Variants in RBPJ observed in about 807,000 individuals in gnomAD.
The protein encoded by RBPJ is recombination signal binding protein for immunoglobulin kappa J region, also known as recombining binding protein suppressor of hairless.
A neutral mutation model predicts 67.8 loss-of-function variants in RBPJ; 9 were observed. The ratio of observed to expected loss-of-function variants is 0.13; its 90% CI spans 0.08 to 0.23. The LOEUF (loss-of-function observed/expected upper bound fraction) is 0.23, where lower values mean the gene tolerates loss of function less well. RBPJ is among the 10% of genes least tolerant of loss of function. The pLI is 1.00. For missense variants in RBPJ, 305 were observed against 595.6 expected (o/e 0.51, Z 5.08); for synonymous variants, 198 against 203.3 (o/e 0.97, Z 0.22).
rs1397347378 is a variant in RBPJ, at chr4:26,430,579, G to A, written c.1148+57G>A. 1.6e-5 allele frequency: 24 copies of A among 1,517,664 alleles called. No individual in the cohort carries two copies. The highest frequency in any genetic ancestry group is 5.4e-6 in the Non-Finnish European group (6 of 1,110,146). The allele number at this position is 1,517,664 out of a possible 1,614,324, so 94.0% of individuals were successfully genotyped here. A position where few individuals can be genotyped will look rare whatever the true frequency, so the allele number is the denominator to read the frequency against. ...GGTTGTGAGGGGTGTGGGTACAGGAGATTCTTTCCTGGCACTGATTGTAAT... is the reference window on the plus strand; with the variant it reads ...GGTTGTGAGGGGTGTGGGTACAGGAAATTCTTTCCTGGCACTGATTGTAAT... On this transcript the variant is annotated intron_variant, in intron 10 of 10. Coordinates refer to ENST00000355476, the MANE Select transcript of RBPJ (RefSeq NM_015874.6). This position sits in a 1 kb window ranked among gnomAD's most constrained non-coding sequence, Gnocchi z 4.1.
At position 26,214,761 on chromosome 4, in the gene RBPJ, A is replaced by G. The variant is rs1364920258; in HGVS notation, c.-167+51147A>G. Among the ~76,000 whole-genome samples, 403 of 53,344 alleles carry G rather than the reference A, an allele frequency of 7.6e-3. 2 individuals are homozygous for G. The highest frequency in any genetic ancestry group is 0.041 in the African/African-American group (383 of 9,338). The allele number at this position is 53,344 out of a possible 152,430, so 35.0% of individuals were successfully genotyped here. ...AAGAGAGAGAGAAAGAGAAAAAGAG[A>G]GAAAAAAGAGAAAGAAAGAAAGAAA... On this transcript the variant is annotated intron_variant, in intron 1 of 4. Transcript: ENST00000512351.
At chr4:26,389,150 G>C (rs2109650806) in intron 2 of RBPJ, among the ~76,000 whole-genome samples, 1 of 151,872 alleles carries the variant, frequency 6.6e-6, no homozygotes, top group East Asian at 1.9e-4. Context: ...GATCACTTGA[G>C]CCCAGGAGAC....
chr4:26,197,981 A>T (rs1717836045), intron 1 of RBPJ, among the ~76,000 whole-genome samples: 1 of 152,172 alleles, frequency 6.6e-6, no homozygotes, highest in Admixed American at 6.5e-5. Flanking sequence ...GGCCGGGCGC[A>T]GTGGCTCACT....
intron 4 of RBPJ, among the ~76,000 whole-genome samples, chr4:26,416,082 C>T (rs753839532): frequency 1.2e-4 from 18 of 152,114 alleles, no homozygotes; most frequent in Non-Finnish European, 1.6e-4. Context: ...CGATCATAAA[C>T]GTTTACTTGA....
At chr4:26,383,253 A>G (rs1361975842) in intron 1 of RBPJ, among the ~76,000 whole-genome samples, 2 of 152,196 alleles carry the variant, frequency 1.3e-5, no homozygotes, top group Admixed American at 6.5e-5. Context: ...TAGATATTTT[A>G]ATTAATATTT....
At chr4:26,299,862 C>A (rs1211701695) in intron 1 of RBPJ, among the ~76,000 whole-genome samples, 1 of 150,180 alleles carries the variant, frequency 6.7e-6, no homozygotes, top group Non-Finnish European at 1.5e-5. Flanking sequence ...TTTTTGTTTT[C>A]GTATTTTTAG....
the RBPJ span, among the ~76,000 whole-genome samples, chr4:26,134,408 G>A: frequency 6.6e-6 from 1 of 152,200 alleles, no homozygotes; most frequent in Non-Finnish European, 1.5e-5. Flanking sequence ...CCCTGGCTGG[G>A]ACACTTCTAA....
At chr4:26,221,069 T>C (rs996093863) in intron 1 of RBPJ, among the ~76,000 whole-genome samples, 1 of 152,184 alleles carries the variant, frequency 6.6e-6, no homozygotes, top group African/African-American at 2.4e-5. Context: ...ATCCACAATC[T>C]TCCCCTTCTT....
Position 26,430,329 on chromosome 4 carries a change from AAC to A in RBPJ, c.1045-88_1045-87del. ...ATTTTAATTGCCCTTTTTTAAAAAA[AAC>A]AAATGAAAGTTGAATGAGAATCTAA... On this transcript the variant is annotated intron_variant, in intron 9 of 10. Coordinates refer to ENST00000355476, the MANE Select transcript of RBPJ (RefSeq NM_015874.6). The surrounding 1 kb of genome is among the most constrained non-coding windows in gnomAD (Gnocchi z 4.1). The A allele has an allele frequency of 2.6e-6, 3 of 1,163,648 alleles. No homozygotes were observed. Among genetic ancestry groups the A allele is most frequent in the Non-Finnish European group, 3.8e-6 (3 of 793,772 alleles). 72.1% of individuals were successfully genotyped at this position (1,163,648 alleles called of 1,614,324 possible). A position where few individuals can be genotyped will look rare whatever the true frequency, so the allele number is the denominator to read the frequency against.
At chr4:26,335,370 C>G (rs1179254818) in intron 1 of RBPJ, among the ~76,000 whole-genome samples, 2 of 151,600 alleles carry the variant, frequency 1.3e-5, no homozygotes, top group Non-Finnish European at 2.9e-5. Flanking sequence ...TTAGTAGAGA[C>G]AGGGTTTCAC....
At chr4:26,137,588 G>A in the RBPJ span, among the ~76,000 whole-genome samples, 1 of 152,168 alleles carries the variant, frequency 6.6e-6, no homozygotes, top group Non-Finnish European at 1.5e-5. Flanking sequence ...ACCTCTCCGA[G>A]CCTCTTCGCT....
intron 1 of RBPJ, among the ~76,000 whole-genome samples, chr4:26,197,293 C>T (rs1170914643): frequency 6.6e-6 from 1 of 152,148 alleles, no homozygotes; most frequent in Non-Finnish European, 1.5e-5. Flanking sequence ...GGACCCAGGA[C>T]CACCTTTCCA....
intron 1 of RBPJ, among the ~76,000 whole-genome samples, chr4:26,290,150 C>T (rs1276741207): frequency 6.7e-6 from 1 of 148,976 alleles, no homozygotes; most frequent in Non-Finnish European, 1.5e-5. Context: ...GGCAAAACAG[C>T]GAGACCCCAC....
chr4:26,177,355 C>A (rs1423870787), intron 1 of RBPJ, among the ~76,000 whole-genome samples: 1 of 152,160 alleles, frequency 6.6e-6, no homozygotes, highest in Non-Finnish European at 1.5e-5. Flanking sequence ...GAGGGCAGAT[C>A]ACTTGAGGTC....
chr4:26,159,692 G>A (rs1056664936), upstream of RBPJ, among the ~76,000 whole-genome samples: 1 of 152,178 alleles, frequency 6.6e-6, no homozygotes, highest in East Asian at 1.9e-4. Context: ...ATATTAATTA[G>A]GACATACCTT....
chr4:26,132,731 C>G, the RBPJ span, among the ~76,000 whole-genome samples: 579 of 152,278 alleles, frequency 3.8e-3, 9 homozygotes, highest in African/African-American at 0.014. Flanking sequence ...AAAAACAAAA[C>G]AAAACAAAAC....
At chr4:26,206,114 A>G (rs1477909288) in intron 1 of RBPJ, among the ~76,000 whole-genome samples, 2 of 152,226 alleles carry the variant, frequency 1.3e-5, no homozygotes, top group African/African-American at 2.4e-5. Flanking sequence ...TCTCTTCTAG[A>G]AAATCCCAAC....
chr4:26,413,947 T>C lies in RBPJ; in HGVS notation c.156-1528T>C, dbSNP rs577037650. 3.7e-3 allele frequency among the ~76,000 whole-genome samples: 561 copies of C among 152,318 alleles called. 4 individuals carry two copies. Among genetic ancestry groups the C allele is most frequent in the African/African-American group, 0.013 (536 of 41,566 alleles). The stretch of plus-strand genomic sequence containing the variant: ...AACAATTGGAGGACGGGACCAACAC[T>C]AGGCCTGCATGCCCATAGTTCAGCC... On this transcript the variant is annotated intron_variant, in intron 3 of 10. Transcript: ENST00000355476.
At chr4:26,151,383 T>C in the RBPJ span, among the ~76,000 whole-genome samples, 1 of 152,238 alleles carries the variant, frequency 6.6e-6, no homozygotes, top group Admixed American at 6.5e-5. Context: ...AATGGGAATA[T>C]GTTCTGTGTT....
Sources: gnomAD v4.1 joint callset for allele counts (sites outside exome capture counted in the v4.1 genomes callset) on GRCh38, gnomAD v4.1.1 for gene constraint, Gnocchi (gnomAD v3.1) non-coding constraint, MANE v1.5 for transcripts, NCBI Gene and HGNC (gene_info 2026-07-23, HGNC 2026-07-21) for gene names.